Variants in HSPA14 observed in about 807,000 individuals in gnomAD.
The protein encoded by HSPA14 is heat shock 70 kDa protein 14.
HSPA14 carries 37 observed loss-of-function variants against 65.5 expected under a neutral mutation model. That is an observed-to-expected ratio of 0.56 (90% confidence interval 0.43 to 0.74). The LOEUF (loss-of-function observed/expected upper bound fraction) is 0.74. Among genes scored for constraint, HSPA14 ranks in the 30% least tolerant of loss-of-function variants. The probability of loss-of-function intolerance (pLI) is 0.00; values close to 1 mark genes in which losing one functional copy is unlikely to be tolerated. For synonymous variants in HSPA14, 203 were observed against 214.2 expected (o/e 0.95, Z 0.46); for missense variants, 564 against 607.6 (o/e 0.93, Z 0.75).
At chr10:14,840,418 T>G (rs1833958952) in intron 3 of HSPA14, among the ~76,000 whole-genome samples, 1 of 152,200 alleles carries the variant, frequency 6.6e-6, no homozygotes, top group Admixed American at 6.5e-5. Flanking sequence ...TAATTTGGAT[T>G]GTTCACATTT....
At chr10:14,854,017 C>A in intron 8 of HSPA14, 108 bp from the exon 9 acceptor site, 1 of 1,142,514 alleles carries the variant, frequency 8.8e-7, no homozygotes, top group Non-Finnish European at 1.2e-6. Flanking sequence ...CGCACCCGGC[C>A]TGATTCACTA....
At chr10:14,868,208 A>G (rs1165252540) in intron 12 of HSPA14, among the ~76,000 whole-genome samples, 2 of 152,154 alleles carry the variant, frequency 1.3e-5, no homozygotes, top group East Asian at 1.9e-4. Context: ...TTTTTGGTTC[A>G]TGCTAAATGC....
intron 3 of HSPA14, chr10:14,844,012 A>G (rs917507200): frequency 1.4e-6 from 2 of 1,454,494 alleles, no homozygotes; most frequent in Non-Finnish European, 1.8e-6. Context: ...TGAACCATTT[A>G]TATCCAGATA....
In HSPA14 at chr10:14,871,639, A is replaced by C. The variant is rs757131799; in HGVS notation, c.*33A>C. ...GAGAAATCAAGAATTTTTAAAAACA[A>C]GAATATCAACATTTGGTTTTGTGTA... On this transcript the variant is annotated 3_prime_UTR_variant, in exon 14 of 14. Transcript: ENST00000378372. 1 of 1,170,196 alleles carries C rather than the reference A, an allele frequency of 8.5e-7. No individual in the cohort carries two copies. The highest frequency in any genetic ancestry group is 1.3e-6 in the Non-Finnish European group (1 of 797,992). The allele number at this position is 1,170,196 out of a possible 1,614,324, so 72.5% of individuals were successfully genotyped here. A position where few individuals can be genotyped will look rare whatever the true frequency, so the allele number is the denominator to read the frequency against.
At chr10:14,846,564 C>A in intron 3 of HSPA14, 1 of 984,292 alleles carries the variant, frequency 1.0e-6, no homozygotes, top group South Asian at 4.7e-5. Flanking sequence ...GTGGTAGACC[C>A]AACCATTACT....
chr10:14,864,628 A>G (rs1445919296), intron 10 of HSPA14, among the ~76,000 whole-genome samples: 1 of 152,090 alleles, frequency 6.6e-6, no homozygotes, highest in Non-Finnish European at 1.5e-5. Context: ...GATGGTTTCC[A>G]GCTTCGTCCT....
At chr10:14,864,516 G>A (rs1157001261) in intron 10 of HSPA14, among the ~76,000 whole-genome samples, 2 of 146,308 alleles carry the variant, frequency 1.4e-5, no homozygotes, top group Non-Finnish European at 3.0e-5. Context: ...GGTGTGTGAT[G>A]TTCCCCTTCC....
chr10:14,845,247 T>C (rs1251377488), intron 3 of HSPA14: 2 of 985,176 alleles, frequency 2.0e-6, no homozygotes, highest in Middle Eastern at 5.2e-4. Context: ...TTAGTACTTT[T>C]AGGAATACAA....
rs1834114780 is a variant in HSPA14 at position 14,852,398 on chromosome 10, A to G, written c.601A>G (p.Thr201Ala). Residue 201 changes from threonine to alanine, a missense_variant, in exon 8 of 14, where the codon ACA becomes GCA. Thr to Ala is a moderately conservative substitution (Grantham distance 58). Transcript: ENST00000378372. ...TATTTTGGTGTTTAAGCTTGGAGGA[A>G]CATCCTTATCTCTCAGCGTCATGGA... Reference protein sequence around the residue: ...SNILVFKLGGTSLSLSVMEVN... With the variant: ...SNILVFKLGGASLSLSVMEVN... The G allele has an allele frequency of 6.2e-7, 1 of 1,613,768 alleles. No individual in the cohort carries two copies. Among genetic ancestry groups the G allele is most frequent in the Non-Finnish European group, 8.5e-7 (1 of 1,179,828 alleles).
At chr10:14,844,480 CATT>C in intron 3 of HSPA14, 2 of 984,066 alleles carry the variant, frequency 2.0e-6, no homozygotes, top group Non-Finnish European at 2.4e-6. Context: ...CTGTGTGGCT[CATT>C]AGACGACTAT....
rs912997390 is a variant in HSPA14, at chr10:14,852,642, T to G, written c.734+111T>G. The G allele has an allele frequency of 1.4e-5, 12 of 885,660 alleles. No homozygotes were observed. The African/African-American group carries it at 1.9e-4, about 14-fold the overall frequency. The allele number at this position is 885,660 out of a possible 1,614,324, so 54.9% of individuals were successfully genotyped here. On this transcript the variant is annotated intron_variant, in intron 8 of 13. Transcript: ENST00000378372. ...ATCCTGCTGCAAAGGAGGATGTGGT[T>G]TTTTCATTGCTTGGAAACTGGATAT...
chr10:14,855,783 T>C lies in HSPA14; in HGVS notation c.891-58T>C, dbSNP rs750577934. 152 of 908,192 alleles carry C rather than the reference T, an allele frequency of 1.7e-4. 1 individual carries two copies. The highest frequency in any genetic ancestry group is 2.5e-4 in the Non-Finnish European group (141 of 568,888). The allele number at this position is 908,192 out of a possible 1,614,324, so 56.3% of individuals were successfully genotyped here. A position where few individuals can be genotyped will look rare whatever the true frequency, so the allele number is the denominator to read the frequency against. ...TTTGTTTGATTGTACTGAGCCCCGT[T>C]TTATCTTTCTCTTGTCCCTGTGTCT... On this transcript the variant is annotated intron_variant, in intron 9 of 13. Transcript: ENST00000378372.
chr10:14,866,566 A>G (rs1013214980), intron 10 of HSPA14, among the ~76,000 whole-genome samples: 2 of 152,258 alleles, frequency 1.3e-5, no homozygotes, highest in Non-Finnish European at 2.9e-5. Context: ...ATCAGATGGT[A>G]CCAGCCGCTT....
chr10:14,870,808 T>C, intron 13 of HSPA14, 141 bp downstream of exon 13: 1 of 776,370 alleles, frequency 1.3e-6, no homozygotes, highest in Non-Finnish European at 1.9e-6. Context: ...ATTACATTTT[T>C]TGCCCCCAGA....
intron 3 of HSPA14, chr10:14,845,239 A>G (rs1176646401): frequency 1.0e-6 from 1 of 984,966 alleles, no homozygotes; most frequent in Admixed American, 6.1e-5. Context: ...TGATTTACTT[A>G]GTACTTTTAG....
intron 3 of HSPA14, chr10:14,845,621 TCTCA>T (rs1356959600): frequency 6.1e-6 from 5 of 818,168 alleles, no homozygotes; most frequent in Non-Finnish European, 7.4e-6. Flanking sequence ...TGAGAAAAAG[TCTCA>T]CTGTTTTGCC....
intron 3 of HSPA14, chr10:14,846,568 C>T (rs1834057190): frequency 1.0e-6 from 1 of 983,752 alleles, no homozygotes; most frequent in Admixed American, 6.2e-5. Context: ...TAGACCCAAC[C>T]ATTACTACTT....
chr10:14,858,717 C>G (rs896110063), intron 10 of HSPA14, among the ~76,000 whole-genome samples: 1 of 152,144 alleles, frequency 6.6e-6, no homozygotes, highest in Non-Finnish European at 1.5e-5. Flanking sequence ...AATCCTCTTA[C>G]GGGGAACGGG....
chr10:14,862,947 G>A (rs1279654354), intron 10 of HSPA14, among the ~76,000 whole-genome samples: 1 of 152,206 alleles, frequency 6.6e-6, no homozygotes, highest in Admixed American at 6.5e-5. Flanking sequence ...GCCTCCCAAA[G>A]TGCTGGGATT....
Sources: allele counts gnomAD v4.1 joint callset (sites outside exome capture counted in the v4.1 genomes callset), GRCh38; gene constraint gnomAD v4.1.1; transcripts MANE v1.5; gene names NCBI Gene and HGNC (gene_info 2026-07-23, HGNC 2026-07-21).